The following THSD7B variants were observed in gnomAD, a reference collection of about 807,000 sequenced individuals.
THSD7B encodes thrombospondin type-1 domain-containing protein 7B.
Under a neutral mutation model 213.6 loss-of-function variants are expected in THSD7B, and 138 were observed. That is an observed-to-expected ratio of 0.65 (90% CI 0.56 to 0.74). The LOEUF (loss-of-function observed/expected upper bound fraction) is 0.74, where lower values mean the gene tolerates loss of function less well. THSD7B is among the 30% of genes least tolerant of loss of function. THSD7B has a pLI of 0.00. For missense variants in THSD7B, 1,931 were observed against 1,991.5 expected (o/e 0.97, Z 0.58); for synonymous variants, 742 against 687.0 (o/e 1.08, Z -1.25).
At chr2:137,056,351 C>T in intron 2 of THSD7B, 69 bp from the exon 3 acceptor site, 1 of 1,472,326 alleles carries the variant, frequency 6.8e-7, no homozygotes, top group Non-Finnish European at 9.1e-7. Flanking sequence ...TGTTAATTGA[C>T]TTCTACTTAC....
intron 2 of THSD7B, among the ~76,000 whole-genome samples, chr2:137,030,823 T>C (rs1686651463): frequency 6.6e-6 from 1 of 152,138 alleles, no homozygotes; most frequent in Non-Finnish European, 1.5e-5. Flanking sequence ...TTGGGTACAG[T>C]GTACACTATT....
chr2:136,836,868 A>G (rs1045224050), intron 1 of THSD7B, among the ~76,000 whole-genome samples: 1 of 152,140 alleles, frequency 6.6e-6, no homozygotes, highest in African/African-American at 2.4e-5. Context: ...ACACCCCTCC[A>G]TGATCTAGCT....
At chr2:137,496,276 T>C (rs1171680390) in intron 15 of THSD7B, among the ~76,000 whole-genome samples, 1 of 152,236 alleles carries the variant, frequency 6.6e-6, no homozygotes, top group Non-Finnish European at 1.5e-5. Flanking sequence ...TAAGGTCTCC[T>C]ACGGCCAAAG....
intron 9 of THSD7B, among the ~76,000 whole-genome samples, chr2:137,237,764 C>T (rs1051317498): frequency 6.6e-6 from 1 of 152,032 alleles, no homozygotes; most frequent in Non-Finnish European, 1.5e-5. Context: ...GGAAATGTGA[C>T]GATGCATGAA....
chr2:136,979,374 C>T (rs1202458656), intron 2 of THSD7B, among the ~76,000 whole-genome samples: 1 of 152,126 alleles, frequency 6.6e-6, no homozygotes, highest in Non-Finnish European at 1.5e-5. Context: ...TGGATGATAT[C>T]CTGAAGTATA....
At chr2:137,093,339 T>C (rs926172397) in intron 3 of THSD7B, among the ~76,000 whole-genome samples, 1 of 152,188 alleles carries the variant, frequency 6.6e-6, no homozygotes, top group African/African-American at 2.4e-5. Flanking sequence ...CTTACAAATG[T>C]TTAACAATCA....
intron 12 of THSD7B, among the ~76,000 whole-genome samples, chr2:137,404,924 G>T (rs1326357360): frequency 6.6e-6 from 1 of 151,568 alleles, no homozygotes; most frequent in Non-Finnish European, 1.5e-5. Flanking sequence ...TCAGGTGATG[G>T]GTGTACCAGG....
intron 15 of THSD7B, among the ~76,000 whole-genome samples, chr2:137,556,936 A>C (rs1680983670): frequency 6.6e-6 from 1 of 152,184 alleles, no homozygotes; most frequent in Non-Finnish European, 1.5e-5. Context: ...AGATCAAAAG[A>C]GACAAAGAAG....
chr2:137,411,636 A>C lies in THSD7B; in HGVS notation c.2723A>C (p.Gln908Pro). The C allele has an allele frequency of 6.2e-7, 1 of 1,612,420 alleles. No homozygotes were observed. The highest frequency in any genetic ancestry group is 8.5e-7 in the Non-Finnish European group (1 of 1,178,736). ...TGKSRKKEKC[Q>P]DSDLYPLVET... ...AAAAGCAGAAAGAAGGAGAAATGCC[A>C]GGATTCTGACCTTTACCCTCTAGTG... Residue 908 changes from glutamine (Q) to proline (P), a missense_variant, in exon 14 of 28, where the codon CAG (glutamine) becomes CCG (proline). Coordinates refer to ENST00000409968, the MANE Select transcript of THSD7B (RefSeq NM_001316349.2).
chr2:137,346,934 A>G (rs964596282), intron 12 of THSD7B, among the ~76,000 whole-genome samples: 1 of 151,680 alleles, frequency 6.6e-6, no homozygotes, highest in Non-Finnish European at 1.5e-5. Context: ...CATTATTTCA[A>G]ATAAATACAT....
intron 1 of THSD7B, among the ~76,000 whole-genome samples, chr2:136,824,649 G>A (rs1164985177): frequency 6.6e-6 from 1 of 152,170 alleles, no homozygotes; most frequent in Non-Finnish European, 1.5e-5. Context: ...ATAGCTAAGG[G>A]TGGATGTGGA....
chr2:137,362,505 C>T (rs1382160477), intron 12 of THSD7B, among the ~76,000 whole-genome samples: 1 of 152,026 alleles, frequency 6.6e-6, no homozygotes, highest in Non-Finnish European at 1.5e-5. Flanking sequence ...CATGCAGAGA[C>T]ACACATAGGC....
intron 12 of THSD7B, among the ~76,000 whole-genome samples, chr2:137,363,223 A>G (rs1185817583): frequency 6.6e-6 from 1 of 152,232 alleles, no homozygotes; most frequent in Non-Finnish European, 1.5e-5. Flanking sequence ...AATTTCTAGG[A>G]CACAATTAAA....
At chr2:137,233,342 G>T (rs1364920557) in intron 9 of THSD7B, among the ~76,000 whole-genome samples, 1 of 152,148 alleles carries the variant, frequency 6.6e-6, no homozygotes, top group African/African-American at 2.4e-5. Context: ...TTTATAACAT[G>T]TATTAATATA....
chr2:137,322,932 A>G (rs1684292144), intron 12 of THSD7B, among the ~76,000 whole-genome samples: 1 of 152,190 alleles, frequency 6.6e-6, no homozygotes, highest in Non-Finnish European at 1.5e-5. Context: ...CAAGAATATT[A>G]TCTGACATTT....
At chr2:137,141,684 C>CGTGTGT (rs66506919) in intron 5 of THSD7B, among the ~76,000 whole-genome samples, 1 of 150,468 alleles carries the variant, frequency 6.6e-6, no homozygotes, top group African/African-American at 2.4e-5. Flanking sequence ...TGTGTATGTG[C>CGTGTGT]GTGTGTGTGT....
At position 136,881,499 on chromosome 2, in the gene THSD7B, T is replaced by A. The variant is rs548108452; in HGVS notation, c.-35-645T>A. Among the ~76,000 whole-genome samples, 10 of 152,298 alleles carry A rather than the reference T, an allele frequency of 6.6e-5. No homozygotes were observed. The South Asian group carries it at 2.1e-3, about 32-fold the overall frequency. On this transcript the variant is annotated intron_variant, in intron 1 of 27. Coordinates refer to ENST00000409968, the MANE Select transcript of THSD7B (RefSeq NM_001316349.2). ...AATGTTAATATTATAAAGACTATCTTCATGGCAATAGAAAATTTGCAATAC... is the reference window on the plus strand; with the variant it reads ...AATGTTAATATTATAAAGACTATCTACATGGCAATAGAAAATTTGCAATAC...
At chr2:137,089,156 C>A (rs1361629400) in intron 3 of THSD7B, among the ~76,000 whole-genome samples, 2 of 151,686 alleles carry the variant, frequency 1.3e-5, no homozygotes, top group African/African-American at 4.8e-5. Context: ...AATATAGTTG[C>A]ACATGCATGT....
At chr2:137,363,779 A>T (rs931096288) in intron 12 of THSD7B, among the ~76,000 whole-genome samples, 1 of 152,222 alleles carries the variant, frequency 6.6e-6, no homozygotes, top group Admixed American at 6.5e-5. Context: ...CCAAGACCAG[A>T]CAGATTCAGA....
Sources: allele counts gnomAD v4.1 joint callset (sites outside exome capture counted in the v4.1 genomes callset), GRCh38; gene constraint gnomAD v4.1.1; transcripts MANE v1.5; gene names NCBI Gene and HGNC (gene_info 2026-07-23, HGNC 2026-07-21).